The following SLCO4A1 variants were observed in gnomAD, a reference collection of about 807,000 sequenced individuals.
SLCO4A1 encodes colon organic anion transporter.
SLCO4A1 carries 51 observed loss-of-function variants against 64.6 expected under a neutral mutation model. That is an observed-to-expected ratio of 0.79 (90% CI 0.63 to 1.00). The LOEUF is 1.00. Among genes scored for constraint, SLCO4A1 ranks in the 50% least tolerant of loss-of-function variants. The probability of loss-of-function intolerance (pLI) is 0.00; values close to 1 mark genes in which losing one functional copy is unlikely to be tolerated. For synonymous variants in SLCO4A1, 471 were observed against 444.9 expected (o/e 1.06, Z -0.74); for missense variants, 919 against 980.5 (o/e 0.94, Z 0.84).
downstream of SLCO4A1, among the ~76,000 whole-genome samples, chr20:62,674,489 G>A (rs1401742919): frequency 1.3e-5 from 2 of 152,208 alleles, no homozygotes; most frequent in Admixed American, 1.3e-4. Flanking sequence ...GGTGGAGAAG[G>A]GATGAGAGGG....
chr20:62,667,516 T>TG (rs1294088389), intron 7 of SLCO4A1: 2 of 578,610 alleles, frequency 3.5e-6, no homozygotes, highest in Non-Finnish European at 6.1e-6. Flanking sequence ...CGGACGGTGC[T>TG]GGGGGGCATG....
Position 62,671,885 on chromosome 20 carries a change from A to G in SLCO4A1, c.2161A>G (p.Ser721Gly), listed in dbSNP as rs752958646. The G allele has an allele frequency of 2.5e-6, 4 of 1,611,644 alleles. No homozygotes were observed. Among genetic ancestry groups the G allele is most frequent in the Admixed American group, 1.7e-5 (1 of 60,030 alleles). The stretch of plus-strand genomic sequence containing the variant: ...TGCCACAGATAGCCAGCTCCAGAGC[A>G]GCGTCTGACCACCGCCCGCGCCCAC... ...DSATDSQLQSSV is the reference protein window; with the variant it reads ...DSATDSQLQSGV The change falls in exon 12 of 12, where the codon AGC becomes GGC. Residue 721 changes from serine (S) to glycine (G), a missense_variant. Physicochemically the swap from Ser to Gly is moderately conservative, Grantham distance 56. Coordinates refer to ENST00000217159, the MANE Select transcript of SLCO4A1 (RefSeq NM_016354.4).
At position 62,661,041 on chromosome 20, in the gene SLCO4A1, C is replaced by CCCCCCCCCCCCCCCACAAA; in HGVS notation, c.1010-23_1010-22insCCCCCCCCCCCCCCACAAA. ...TCCGGGAGCCCCCAGCCCCCAGCCC[C>CCCCCCCCCCCCCCCACAAA]AGCTCACTCTGTGCCCTTCCAGGCT... On this transcript the variant is annotated intron_variant, in intron 4 of 11. Transcript: ENST00000217159. The surrounding 1 kb of genome is among the most constrained non-coding windows in gnomAD (Gnocchi z 5.2). 5 of 1,424,144 alleles carry CCCCCCCCCCCCCCCACAAA rather than the reference C, an allele frequency of 3.5e-6. No homozygotes were observed. Among genetic ancestry groups the CCCCCCCCCCCCCCCACAAA allele is most frequent in the Non-Finnish European group, 4.9e-6 (5 of 1,010,142 alleles). 88.2% of individuals were successfully genotyped at this position (1,424,144 alleles called of 1,614,324 possible).
At chr20:62,649,425 C>T (rs938020745) in intron 1 of SLCO4A1, 3 of 152,360 alleles carry the variant, frequency 2.0e-5, no homozygotes, top group African/African-American at 7.2e-5. Flanking sequence ...TGTCTAGGCA[C>T]CCAAGGCCCA....
At chr20:62,665,202 C>T (rs1342230981) in intron 6 of SLCO4A1, 114 bp downstream of exon 6, 1 of 1,187,398 alleles carries the variant, frequency 8.4e-7, no homozygotes. Context: ...TGAGTGCCCT[C>T]CCACCCCCGC....
Position 62,661,041 on chromosome 20 carries a change from C to CCCCCCCCCCCCCCCCCCCCAA in SLCO4A1, c.1010-23_1010-22insCCCCCCCCCCCCCCCCCCCAA. The CCCCCCCCCCCCCCCCCCCCAA allele has an allele frequency of 1.4e-6, 2 of 1,424,144 alleles. No individual in the cohort carries two copies. The highest frequency in any genetic ancestry group is 1.1e-5 in the South Asian group (1 of 87,258). The allele number at this position is 1,424,144 out of a possible 1,614,324, so 88.2% of individuals were successfully genotyped here. A position where few individuals can be genotyped will look rare whatever the true frequency, so the allele number is the denominator to read the frequency against. ...TCCGGGAGCCCCCAGCCCCCAGCCCCAGCTCACTCTGTGCCCTTCCAGGCT... is the reference window on the plus strand; with the variant it reads ...TCCGGGAGCCCCCAGCCCCCAGCCCCCCCCCCCCCCCCCCCCCCCAAAGCTCACTCTGTGCCCTTCCAGGCT... On this transcript the variant is annotated intron_variant, in intron 4 of 11. Transcript: ENST00000217159. This position sits in a 1 kb window ranked among gnomAD's most constrained non-coding sequence, Gnocchi z 5.2.
rs1156578196 is a variant in SLCO4A1, at chr20:62,652,889, G to A, written c.-96-3470G>A. On this transcript the variant is annotated intron_variant, in intron 1 of 11. Transcript: ENST00000217159. ...GGCTGCACGTGAGTGCCACACGAGC[G>A]TGCACGGCTCTTTCAGTAGGTGTCA... Among the ~76,000 whole-genome samples the A allele has an allele frequency of 2.0e-5, 3 of 152,230 alleles. No individual in the cohort carries two copies. In the East Asian group the frequency reaches 5.8e-4, roughly 29 times the overall value.
chr20:62,657,623 C>T (rs1983984180), intron 2 of SLCO4A1, among the ~76,000 whole-genome samples: 1 of 152,226 alleles, frequency 6.6e-6, no homozygotes, highest in Non-Finnish European at 1.5e-5. Flanking sequence ...CTGGCACTTG[C>T]CTGGGAAGGA....
chr20:62,658,612 C>T, intron 2 of SLCO4A1, 65 bp from the exon 3 acceptor site: 1 of 1,354,878 alleles, frequency 7.4e-7, no homozygotes, highest in Non-Finnish European at 1.0e-6. Context: ...GCACGGGGCC[C>T]CACACGGCCC....
At chr20:62,654,736 G>A (rs1428035936) in intron 1 of SLCO4A1, among the ~76,000 whole-genome samples, 2 of 152,160 alleles carry the variant, frequency 1.3e-5, no homozygotes, top group African/African-American at 2.4e-5. Flanking sequence ...TGTTGAATGT[G>A]ATACAATGTG....
chr20:62,672,008 T>G lies in SLCO4A1; in HGVS notation c.*115T>G, dbSNP rs1601684931. 1 of 1,587,764 alleles carries G rather than the reference T, an allele frequency of 6.3e-7. No individual in the cohort carries two copies. The highest frequency in any genetic ancestry group is 2.2e-5 in the East Asian group (1 of 44,470). Reference sequence around the variant, plus strand: ...TTCTATTTGACCTGCAACCTTCTACTTAACCTGTGGTTTAAAGTCGGCTGT... The same window carrying G: ...TTCTATTTGACCTGCAACCTTCTACGTAACCTGTGGTTTAAAGTCGGCTGT... On this transcript the variant is annotated 3_prime_UTR_variant, in exon 12 of 12. Transcript: ENST00000217159.
At chr20:62,660,572 G>T in intron 4 of SLCO4A1, 39 bp downstream of exon 4, 4 of 1,599,774 alleles carry the variant, frequency 2.5e-6, no homozygotes, top group Non-Finnish European at 3.4e-6. Context: ...CACATTGGGA[G>T]ACTGTCCCTT....
intron 2 of SLCO4A1, among the ~76,000 whole-genome samples, chr20:62,679,328 C>G (rs1422963640): frequency 2.0e-5 from 3 of 152,040 alleles, no homozygotes; most frequent in African/African-American, 7.2e-5. Flanking sequence ...GGACGTGGTT[C>G]CACAAATCCA....
rs896935483 is a variant in SLCO4A1, at chr20:62,666,592, A to G, written c.1472+17A>G. The G allele has an allele frequency of 1.2e-6, 2 of 1,608,562 alleles. No homozygotes were observed. The highest frequency in any genetic ancestry group is 1.7e-6 in the Non-Finnish European group (2 of 1,178,174). ...CGGCGGGAGGTGAGGGCCAGATGGC[A>G]CCTGGGTACGCGTCGGGGCCCCAAG... On this transcript the variant is annotated intron_variant, in intron 7 of 11. Coordinates refer to ENST00000217159, the MANE Select transcript of SLCO4A1 (RefSeq NM_016354.4).
Position 62,661,700 on chromosome 20 carries a change from C to T in SLCO4A1, c.1121+525C>T, listed in dbSNP as rs1984954919. On this transcript the variant is annotated intron_variant, in intron 5 of 11. Transcript: ENST00000217159. This position sits in a 1 kb window ranked among gnomAD's most constrained non-coding sequence, Gnocchi z 5.2. Reference sequence around the variant, plus strand: ...CTCCCTCAGAGTCTCTGAGGACCTCCCCCCTCTACCCGGCGTGTCCCGCTC... The same window carrying T: ...CTCCCTCAGAGTCTCTGAGGACCTCTCCCCTCTACCCGGCGTGTCCCGCTC... Among the ~76,000 whole-genome samples, 1 of 151,768 alleles carries T rather than the reference C, an allele frequency of 6.6e-6. No individual in the cohort carries two copies. The highest frequency in any genetic ancestry group is 2.1e-4 in the South Asian group (1 of 4,816).
chr20:62,666,884 G>A (rs1047845585), intron 7 of SLCO4A1, among the ~76,000 whole-genome samples: 2 of 152,140 alleles, frequency 1.3e-5, no homozygotes, highest in African/African-American at 4.8e-5. Context: ...AGTGTTCGGG[G>A]TCCTTGAGGC....
intron 1 of SLCO4A1, among the ~76,000 whole-genome samples, chr20:62,654,383 G>A (rs1983244786): frequency 6.6e-6 from 1 of 152,262 alleles, no homozygotes; most frequent in South Asian, 2.1e-4. Context: ...GGGAACACGG[G>A]GGGCACCGGT....
chr20:62,671,259 G>A (rs1267971322), intron 11 of SLCO4A1, among the ~76,000 whole-genome samples: 2 of 152,210 alleles, frequency 1.3e-5, no homozygotes, highest in Non-Finnish European at 2.9e-5. Flanking sequence ...AACCAGATTC[G>A]CTTGCAGGTG....
downstream of SLCO4A1, among the ~76,000 whole-genome samples, chr20:62,688,888 C>T (rs1477306053): frequency 6.6e-6 from 1 of 152,226 alleles, no homozygotes; most frequent in Non-Finnish European, 1.5e-5. Flanking sequence ...TTCCGAGAAG[C>T]CCTTTAATTC....
Sources: gnomAD v4.1 joint callset for allele counts (sites outside exome capture counted in the v4.1 genomes callset) on GRCh38, gnomAD v4.1.1 for gene constraint, Gnocchi (gnomAD v3.1) non-coding constraint, MANE v1.5 for transcripts, NCBI Gene and HGNC (gene_info 2026-07-23, HGNC 2026-07-21) for gene names.